NAV2: variants seen among roughly 807,000 people sequenced by gnomAD.
NAV2 encodes the protein helicase, APC down-regulated 1.
Under a neutral mutation model 223.2 loss-of-function variants are expected in NAV2, and 54 were observed. The ratio of observed to expected loss-of-function variants is 0.24; its 90% CI spans 0.19 to 0.30. NAV2 has a LOEUF of 0.30. Among genes scored for constraint, NAV2 ranks in the 10% least tolerant of loss-of-function variants. NAV2 has a pLI of 1.00. For missense variants in NAV2, 2,806 were observed against 3,147.5 expected (o/e 0.89, Z 2.60); for synonymous variants, 1,279 against 1,239.3 (o/e 1.03, Z -0.67).
chr11:19,721,628 T>C (rs1034117725), intron 1 of NAV2, among the ~76,000 whole-genome samples: 8 of 152,232 alleles, frequency 5.3e-5, no homozygotes, highest in Admixed American at 4.6e-4. Context: ...ACCAAAGCTA[T>C]GACAACCAAA....
intron 4 of NAV2, among the ~76,000 whole-genome samples, chr11:19,869,420 G>C (rs1466489159): frequency 1.3e-5 from 2 of 152,198 alleles, no homozygotes; most frequent in Non-Finnish European, 2.9e-5. Context: ...CGAGGAAGCA[G>C]CACTTTTTCT....
At position 19,713,954 on chromosome 11, in the gene NAV2, G is replaced by A. The variant is rs1051579795; in HGVS notation, c.259G>A (p.Asp87Asn). The A allele has an allele frequency of 3.1e-6, 5 of 1,613,004 alleles. No individual in the cohort carries two copies. Among genetic ancestry groups the A allele is most frequent in the South Asian group, 1.1e-5 (1 of 91,046 alleles). ...RKSGSVENGF[D>N]TQIYTDWANH... ...GAGCGGCTCGGTGGAAAACGGGTTC[G>A]ATACCCAGGTGAGAGATGCCGTTTG... Residue 87 changes from aspartate to asparagine, a missense_variant, in exon 1 of 38, where the codon GAT becomes AAT. Physicochemically the swap from Asp to Asn is conservative, Grantham distance 23. Coordinates refer to ENST00000349880, the MANE Select transcript of NAV2 (RefSeq NM_145117.5). This position sits in a 1 kb window ranked among gnomAD's most constrained non-coding sequence, Gnocchi z 7.2.
intron 1 of NAV2, among the ~76,000 whole-genome samples, chr11:19,495,645 G>A (rs1202596588): frequency 1.3e-5 from 2 of 152,140 alleles, no homozygotes; most frequent in Non-Finnish European, 2.9e-5. Flanking sequence ...TCTAGGCACA[G>A]GTATATCTGC....
At chr11:19,595,107 A>T (rs553065848) in intron 1 of NAV2, among the ~76,000 whole-genome samples, 2 of 152,268 alleles carry the variant, frequency 1.3e-5, no homozygotes, top group East Asian at 3.9e-4. Flanking sequence ...GCTCAGTCCC[A>T]CTGGACATCC....
chr11:19,469,885 C>T (rs1186069286), intron 1 of NAV2, among the ~76,000 whole-genome samples: 1 of 152,222 alleles, frequency 6.6e-6, no homozygotes, highest in Admixed American at 6.5e-5. Context: ...GCTCCTCTGT[C>T]TTCTTAGAAG....
chr11:19,350,872 A>G, exon 1 of NAV2: 2 of 1,399,490 alleles, frequency 1.4e-6, no homozygotes, highest in Non-Finnish European at 2.0e-6. Context: ...TGTTGCATGC[A>G]TCACTTTTGT....
Position 19,934,002 on chromosome 11 carries a change from G to A in NAV2, c.1758G>A (p.Gly586=), listed in dbSNP as rs370493410. 137 of 1,593,956 alleles carry A rather than the reference G, an allele frequency of 8.6e-5. No homozygotes were observed. Among genetic ancestry groups the A allele is most frequent in the Admixed American group, 3.6e-4 (20 of 55,792 alleles). The change falls in exon 7 of 38, where the codon GGG becomes GGA. Residue 586 remains glycine (G), a synonymous_variant. Transcript: ENST00000349880. ...GTGCCCCAGCGCCTTCCAAGGAAGG[G>A]GAGCGGAGCCGGAGTGGGAAGCTGA... The part of the protein sequence containing the change: ...SPSAPAPSKE[G]ERSRSGKLSS...
chr11:19,648,934 A>G (rs1174739719), intron 1 of NAV2, among the ~76,000 whole-genome samples: 2 of 152,108 alleles, frequency 1.3e-5, no homozygotes, highest in African/African-American at 4.8e-5. Flanking sequence ...TACTATGCTA[A>G]TTATGGACAT....
chr11:19,388,048 A>T (rs1773625712), intron 1 of NAV2, among the ~76,000 whole-genome samples: 1 of 152,234 alleles, frequency 6.6e-6, no homozygotes, highest in Admixed American at 6.5e-5. Flanking sequence ...TCCTCAGGTG[A>T]TCTGAATGCA....
intron 31 of NAV2, among the ~76,000 whole-genome samples, chr11:20,098,615 C>T (rs1367653305): frequency 2.0e-5 from 3 of 152,232 alleles, no homozygotes; most frequent in Admixed American, 6.5e-5. Context: ...AGAATTTCCA[C>T]AAGCACCCCA....
At chr11:19,543,963 G>A (rs1458827287) in intron 1 of NAV2, among the ~76,000 whole-genome samples, 1 of 152,204 alleles carries the variant, frequency 6.6e-6, no homozygotes. Context: ...TTGTTCAAAT[G>A]TAAACTACTT....
At chr11:19,681,118 A>G (rs2048870793) in intron 1 of NAV2, among the ~76,000 whole-genome samples, 1 of 152,232 alleles carries the variant, frequency 6.6e-6, no homozygotes, top group Non-Finnish European at 1.5e-5. Flanking sequence ...TAACTAACTT[A>G]CTAATGAGAG....
chr11:19,665,059 G>A (rs561549423), intron 1 of NAV2, among the ~76,000 whole-genome samples: 10 of 152,302 alleles, frequency 6.6e-5, no homozygotes, highest in African/African-American at 1.2e-4. Context: ...CACTTATGTC[G>A]CATTTCCTGT....
chr11:19,960,290 C>T (rs983691806), intron 10 of NAV2, among the ~76,000 whole-genome samples: 1 of 152,182 alleles, frequency 6.6e-6, no homozygotes, highest in African/African-American at 2.4e-5. Flanking sequence ...CCATCCTACT[C>T]TGGAGCTCCG....
chr11:19,885,844 A>G (rs1346639974), intron 5 of NAV2, among the ~76,000 whole-genome samples: 1 of 152,206 alleles, frequency 6.6e-6, no homozygotes, highest in Non-Finnish European at 1.5e-5. Flanking sequence ...TACATACAAA[A>G]TAACTGCTCA....
chr11:19,828,812 C>T (rs777528900), intron 1 of NAV2, among the ~76,000 whole-genome samples: 5 of 152,142 alleles, frequency 3.3e-5, no homozygotes, highest in Admixed American at 6.5e-5. Flanking sequence ...TAGGAAAGTT[C>T]GTTTGGCATT....
intron 1 of NAV2, among the ~76,000 whole-genome samples, chr11:19,662,585 G>A (rs1041615084): frequency 2.0e-5 from 3 of 152,272 alleles, no homozygotes; most frequent in Admixed American, 2.0e-4. Context: ...ATGTCAGGCA[G>A]CTGGAGGGGT....
At chr11:19,569,797 C>G (rs1028738888) in intron 1 of NAV2, among the ~76,000 whole-genome samples, 1 of 152,170 alleles carries the variant, frequency 6.6e-6, no homozygotes, top group Admixed American at 6.5e-5. Flanking sequence ...AGAACTGCCC[C>G]TAACCACCCT....
rs1315581601 is a variant in NAV2, at chr11:19,727,253, G to A, written c.267+13291G>A. On this transcript the variant is annotated intron_variant, in intron 1 of 37. Transcript: ENST00000349880. The stretch of plus-strand genomic sequence containing the variant: ...AGGTGTGCCTGGGCTGGTTGAGATA[G>A]CACCTTTCAGGAGCTGGAGGTAGTT... Among the ~76,000 whole-genome samples the A allele has an allele frequency of 2.0e-5, 3 of 152,334 alleles. No individual in the cohort carries two copies. The East Asian group carries it at 5.8e-4, about 29-fold the overall frequency.
Sources: allele counts gnomAD v4.1 joint callset (sites outside exome capture counted in the v4.1 genomes callset), GRCh38; gene constraint gnomAD v4.1.1; non-coding constraint Gnocchi (gnomAD v3.1); transcripts MANE v1.5; gene names NCBI Gene and HGNC (gene_info 2026-07-23, HGNC 2026-07-21).